The following AP3S2 variants were observed in gnomAD, a reference collection of about 807,000 sequenced individuals.
AP3S2 encodes adaptor related protein complex 3 subunit sigma 2.
AP3S2 carries 22 observed loss-of-function variants against 23.4 expected under a neutral mutation model. The observed-to-expected ratio is 0.94, with a 90% CI of 0.67 to 1.34. The LOEUF (loss-of-function observed/expected upper bound fraction) is 1.34. Among genes scored for constraint, AP3S2 ranks in the 40% most tolerant of loss-of-function variants. The probability of loss-of-function intolerance (pLI) is 0.00; values close to 1 mark genes in which losing one functional copy is unlikely to be tolerated. For missense variants in AP3S2, 241 were observed against 236.9 expected, an observed-to-expected ratio of 1.02 and a Z score of -0.11; for synonymous variants, 86 against 87.1, an observed-to-expected ratio of 0.99 and a Z score of 0.07.
intron 3 of AP3S2, among the ~76,000 whole-genome samples, chr15:89,884,606 T>C (rs1896649693): frequency 6.6e-6 from 1 of 151,986 alleles, no homozygotes; most frequent in Admixed American, 6.6e-5. Flanking sequence ...TAGTAAGTAA[T>C]TTTGTACCAG....
intron 1 of AP3S2, among the ~76,000 whole-genome samples, chr15:89,890,681 T>G (rs3931863): frequency 0.48 from 72,205 of 151,972 alleles, 17,410 homozygotes; most frequent in East Asian, 0.61. Flanking sequence ...GAGTAACGAA[T>G]CATAAGAAAA....
intron 4 of AP3S2, among the ~76,000 whole-genome samples, chr15:89,860,088 G>A (rs947112985): frequency 6.6e-6 from 1 of 152,062 alleles, no homozygotes; most frequent in Non-Finnish European, 1.5e-5. Context: ...ATGTTACCCT[G>A]AGGGAATAAG....
At chr15:89,871,939 T>C (rs1896328977) in intron 3 of AP3S2, among the ~76,000 whole-genome samples, 1 of 151,682 alleles carries the variant, frequency 6.6e-6, no homozygotes, top group African/African-American at 2.4e-5. Flanking sequence ...CGAAAACCCA[T>C]CTCTACTAAA....
chr15:89,852,510 T>C (rs1398471707), intron 4 of AP3S2: 1 of 150,882 alleles, frequency 6.6e-6, no homozygotes, highest in East Asian at 1.9e-4. Flanking sequence ...TGTCAGAGAG[T>C]TTTTAACTGT....
chr15:89,874,770 A>C (rs1244675853), intron 3 of AP3S2, among the ~76,000 whole-genome samples: 1 of 152,356 alleles, frequency 6.6e-6, no homozygotes, highest in South Asian at 2.1e-4. Flanking sequence ...TGACATACCA[A>C]GACCTTGTCT....
Position 89,856,872 on chromosome 15 carries a change from TA to T in AP3S2, c.345+14602del, listed in dbSNP as rs146502390. Among the ~76,000 whole-genome samples, 537 of 120,512 alleles carry T rather than the reference TA, an allele frequency of 4.5e-3. 1 individual carries two copies. Among genetic ancestry groups the T allele is most frequent in the Middle Eastern group, 0.025 (6 of 236 alleles). The allele number at this position is 120,512 out of a possible 152,430, so 79.1% of individuals were successfully genotyped here. ...TGGGCAACAGAGTAAGACTCTGTCT[TA>T]AAAAAAAAAAAAAAGAAAAGAAAAG... is the stretch of plus-strand genomic sequence containing the variant. On this transcript the variant is annotated intron_variant, in intron 4 of 5. Transcript: ENST00000336418.
intron 4 of AP3S2, among the ~76,000 whole-genome samples, chr15:89,860,257 A>T (rs1895981746): frequency 6.6e-6 from 1 of 152,374 alleles, no homozygotes; most frequent in East Asian, 1.9e-4. Context: ...GATAAAGTCT[A>T]ATTTGTAAAT....
chr15:89,845,645 T>C (rs1359325438), intron 4 of AP3S2: 4 of 152,100 alleles, frequency 2.6e-5, no homozygotes, highest in Non-Finnish European at 4.4e-5. Flanking sequence ...GAAATCTAAG[T>C]AAATACCTGA....
intron 1 of AP3S2, chr15:89,889,366 T>C (rs928991944): frequency 1.5e-5 from 8 of 532,518 alleles, no homozygotes; most frequent in Non-Finnish European, 2.7e-5. Context: ...TACCTAAATA[T>C]CTAAGTCACT....
chr15:89,837,969 C>G, intron 4 of AP3S2: 1 of 419,622 alleles, frequency 2.4e-6, no homozygotes, highest in Non-Finnish European at 4.4e-6. Flanking sequence ...CAAAGTCTGA[C>G]AGCTCTTGTT....
intron 4 of AP3S2, 189 bp from the exon 5 acceptor site, chr15:89,837,911 A>C: frequency 1.8e-6 from 1 of 561,994 alleles, no homozygotes; most frequent in Non-Finnish European, 3.1e-6. Flanking sequence ...ACATGGCAAC[A>C]CGAATCTCTC....
intron 4 of AP3S2, among the ~76,000 whole-genome samples, chr15:89,868,239 A>T (rs1322175514): frequency 7.0e-4 from 35 of 49,964 alleles, no homozygotes; most frequent in African/African-American, 2.1e-3. Flanking sequence ...CCGCCCGGCC[A>T]GCCGCCCCGT....
intron 4 of AP3S2, among the ~76,000 whole-genome samples, chr15:89,870,486 C>T (rs1896293241): frequency 1.3e-5 from 2 of 152,150 alleles, no homozygotes; most frequent in African/African-American, 2.4e-5. Flanking sequence ...AAACTTTACT[C>T]CATTCTAATG....
chr15:89,869,056 C>G (rs1321745225), intron 4 of AP3S2, among the ~76,000 whole-genome samples: 79 of 151,978 alleles, frequency 5.2e-4, no homozygotes, highest in African/African-American at 1.4e-3. Context: ...GGCCACCACC[C>G]CGTCTGGGAG....
intron 3 of AP3S2, among the ~76,000 whole-genome samples, chr15:89,882,441 C>T (rs60906349): frequency 0.087 from 13,240 of 151,754 alleles, 827 homozygotes; most frequent in East Asian, 0.31. Context: ...CCACAACCCC[C>T]GCCTCCTGGG....
At position 89,888,549 on chromosome 15, in the gene AP3S2, CT is replaced by C; in HGVS notation, c.244del (p.Ser82ValfsTer28). ...YFVFCVDSSE[S>X]ELGILDLIQV... ...GATGAGGTCCAAGATTCCAAGTTCA[CT>C]CTCTGAGGAATCCACACAAAATACA... On this transcript the variant is annotated frameshift_variant, in exon 3 of 6. Transcript: ENST00000336418. LOFTEE classifies it high-confidence loss of function. 1 of 1,614,238 alleles carries C rather than the reference CT, an allele frequency of 6.2e-7. No homozygotes were observed. Among genetic ancestry groups the C allele is most frequent in the African/African-American group, 1.3e-5 (1 of 75,068 alleles).
intron 3 of AP3S2, among the ~76,000 whole-genome samples, chr15:89,871,834 C>A (rs2141881872): frequency 6.6e-6 from 1 of 152,202 alleles, no homozygotes; most frequent in African/African-American, 2.4e-5. Flanking sequence ...TATGGTAGGG[C>A]ATGGTGGCTC....
At chr15:89,893,795 G>T in intron 1 of AP3S2, 86 bp downstream of exon 1, 2 of 1,356,222 alleles carry the variant, frequency 1.5e-6, no homozygotes, top group South Asian at 1.3e-5. Context: ...ACCAAAGAGC[G>T]GTGCCCCCGG....
intron 3 of AP3S2, among the ~76,000 whole-genome samples, chr15:89,884,903 C>T (rs1205765716): frequency 6.6e-6 from 1 of 152,080 alleles, no homozygotes; most frequent in Non-Finnish European, 1.5e-5. Flanking sequence ...CTGCCTCGGC[C>T]CCCAAAGTGC....
Sources: gnomAD v4.1 joint callset for allele counts (sites outside exome capture counted in the v4.1 genomes callset) on GRCh38, gnomAD v4.1.1 for gene constraint, MANE v1.5 for transcripts, NCBI Gene and HGNC (gene_info 2026-07-23, HGNC 2026-07-21) for gene names.